KIF4A: variants seen among roughly 807,000 people sequenced by gnomAD.
KIF4A encodes the protein chromosome-associated kinesin KIF4A.
In KIF4A, 7 loss-of-function variants were observed where a neutral mutation model predicts 105.9. The observed-to-expected ratio is 0.07, with a 90% CI of 0.04 to 0.12. The LOEUF is 0.12. KIF4A is among the 10% of genes least tolerant of loss of function. The probability of loss-of-function intolerance (pLI) is 1.00; values close to 1 mark genes in which losing one functional copy is unlikely to be tolerated. For synonymous variants in KIF4A, 281 were observed against 331.3 expected (o/e 0.85, Z 1.65); for missense variants, 558 against 929.2 (o/e 0.60, Z 5.19).
chrX:70,362,845 T>C (rs1245570843), intron 15 of KIF4A, among the ~76,000 whole-genome samples: 1 of 112,508 alleles, frequency 8.9e-6, no homozygotes, highest in Non-Finnish European at 1.9e-5. Context: ...AATAAATTCT[T>C]AATATAATCA....
rs182033823 is a variant in KIF4A, at chrX:70,309,022, A to G, written c.778+6624A>G. Among the ~76,000 whole-genome samples the G allele has an allele frequency of 4.4e-5, 5 of 112,406 alleles. No homozygotes were observed. The East Asian group carries it at 1.4e-3, about 31-fold the overall frequency. On this transcript the variant is annotated intron_variant, in intron 7 of 30. Transcript: ENST00000374403. ...TTATTCCTATTTTGGTTGACATTTC[A>G]GTTTTCCAATTTCTGGCTATTGGAA...
chrX:70,373,750 G>GTA (rs200745417), intron 15 of KIF4A, among the ~76,000 whole-genome samples: 5 of 51,423 alleles, frequency 9.7e-5, no homozygotes, highest in African/African-American at 3.7e-4. Context: ...ATATATACGT[G>GTA]TATATATATA....
chrX:70,419,749 T>G lies in KIF4A; in HGVS notation c.3461T>G (p.Phe1154Cys), dbSNP rs2086358901. The change falls in exon 30 of 31, where the codon TTC (phenylalanine) becomes TGC (cysteine). Residue 1154 changes from phenylalanine to cysteine, a missense_variant. Around this residue, in one of 2 missense-constraint regions of KIF4A, gnomAD observed 469 missense variants for 680.4 expected, o/e 0.69. Coordinates refer to ENST00000374403, the MANE Select transcript of KIF4A (RefSeq NM_012310.5). ...DPTEVTPGLS[F>C]FNPVCATPNS... Reference sequence around the variant, plus strand: ...ACCGAGGTGACCCCAGGATTGAGCTTCTTTAATCCCGTCTGTGCCACCCCC... The same window carrying G: ...ACCGAGGTGACCCCAGGATTGAGCTGCTTTAATCCCGTCTGTGCCACCCCC... 1 of 1,211,098 alleles carries G rather than the reference T, an allele frequency of 8.3e-7. No individual in the cohort carries two copies. Among genetic ancestry groups the G allele is most frequent in the Non-Finnish European group, 1.1e-6 (1 of 895,348 alleles).
chrX:70,366,650 G>C (rs1468017894), intron 15 of KIF4A, among the ~76,000 whole-genome samples: 1 of 112,041 alleles, frequency 8.9e-6, no homozygotes, highest in Non-Finnish European at 1.9e-5. Flanking sequence ...TACATTTGCT[G>C]AGGAGTGCTT....
intron 7 of KIF4A, among the ~76,000 whole-genome samples, chrX:70,313,214 T>C (rs1485470371): frequency 8.9e-6 from 1 of 111,797 alleles, no homozygotes; most frequent in East Asian, 2.8e-4. Context: ...TAAAATGTCA[T>C]GACATACGTC....
chrX:70,352,709 A>G (rs1450911594), intron 14 of KIF4A, 53 bp downstream of exon 14: 2 of 818,983 alleles, frequency 2.4e-6, no homozygotes, highest in South Asian at 2.4e-5. Context: ...GCCGTTTCCT[A>G]TAATTTATCA....
chrX:70,368,475 C>T (rs1263938925), intron 15 of KIF4A, among the ~76,000 whole-genome samples: 2 of 112,270 alleles, frequency 1.8e-5, no homozygotes, highest in African/African-American at 6.5e-5. Context: ...ACAGTCAAGA[C>T]CCTTAGCTGC....
intron 15 of KIF4A, among the ~76,000 whole-genome samples, chrX:70,368,829 T>C (rs1354356886): frequency 8.9e-6 from 1 of 112,236 alleles, no homozygotes; most frequent in African/African-American, 3.2e-5. Context: ...TTTGTTTGGC[T>C]ATGCCCTGCC....
chrX:70,322,807 C>G (rs755746156), intron 7 of KIF4A, among the ~76,000 whole-genome samples: 2 of 107,533 alleles, frequency 1.9e-5, no homozygotes, highest in African/African-American at 6.8e-5. Flanking sequence ...TCTCTTTTCT[C>G]TAACCCTACT....
rs1322752443 is a variant in KIF4A, at chrX:70,359,455, CTT to C, written c.1674+5650_1674+5651del. Among the ~76,000 whole-genome samples, 20 of 106,677 alleles carry C rather than the reference CTT, an allele frequency of 1.9e-4. No individual in the cohort carries two copies. The South Asian group carries it at 6.3e-3, about 34-fold the overall frequency. The allele number at this position is 106,677 out of a possible 115,157, so 92.6% of individuals were successfully genotyped here. On this transcript the variant is annotated intron_variant, in intron 15 of 30. Coordinates refer to ENST00000374403, the MANE Select transcript of KIF4A (RefSeq NM_012310.5). ...TCTTTCTTTCTCTCTCTCTCTCTCT[CTT>C]TCTTTCTTTCTTTCTTTAACCGGAG...
chrX:70,398,280 G>T (rs186527937), intron 22 of KIF4A, among the ~76,000 whole-genome samples: 1 of 111,854 alleles, frequency 8.9e-6, no homozygotes, highest in Non-Finnish European at 1.9e-5. Context: ...TCAAGCGATC[G>T]GCCTGCCTTG....
At chrX:70,385,834 G>C (rs1257754499) in intron 18 of KIF4A, among the ~76,000 whole-genome samples, 2 of 111,940 alleles carry the variant, frequency 1.8e-5, no homozygotes, top group Non-Finnish European at 3.8e-5. Context: ...TTAATCTCTG[G>C]GAAGAAAGAG....
Position 70,395,666 on chromosome X carries a change from T to G in KIF4A, c.2233-5T>G, listed in dbSNP as rs767466188. 10 of 1,211,222 alleles carry G rather than the reference T, an allele frequency of 8.3e-6. No homozygotes were observed. The Admixed American group carries it at 2.2e-4, about 26-fold the overall frequency. On this transcript the variant is annotated splice_region_variant and splice_polypyrimidine_tract_variant and intron_variant, in intron 20 of 30. Transcript: ENST00000374403. The stretch of plus-strand genomic sequence containing the variant: ...TAACACAGACATCACTGATTTCTCT[T>G]CCAGAATTGGCTTGGAAACGAAATT...
intron 22 of KIF4A, 135 bp downstream of exon 22, chrX:70,396,184 A>G (rs757545103): frequency 6.7e-5 from 30 of 447,942 alleles, no homozygotes; most frequent in African/African-American, 6.1e-4. Flanking sequence ...TAAACCAGAC[A>G]CTGTACTAGG....
chrX:70,347,121 T>A (rs772957203), intron 13 of KIF4A, among the ~76,000 whole-genome samples: 24 of 112,033 alleles, frequency 2.1e-4, no homozygotes, highest in African/African-American at 7.8e-4. Context: ...CTTTTTTGTT[T>A]ATATCCCCTC....
chrX:70,385,724 T>TAATCC (rs1413833616), intron 18 of KIF4A, among the ~76,000 whole-genome samples: 2 of 112,216 alleles, frequency 1.8e-5, no homozygotes, highest in African/African-American at 6.5e-5. Context: ...CTTAATGGAT[T>TAATCC]ATTAGAAGAG....
rs1200810212 is a variant in KIF4A at position 70,420,108 on chromosome X, C to T, written c.3542C>T (p.Thr1181Ile). ...CDVEQVLSKK[T>I]PPAPSPFDLP... ...GTGGAGCAGGTGCTGTCAAAGAAGACTCCCCCAGCTCCCTCCCCTTTTGAC... is the reference window on the plus strand; with the variant it reads ...GTGGAGCAGGTGCTGTCAAAGAAGATTCCCCCAGCTCCCTCCCCTTTTGAC... Residue 1181 changes from threonine to isoleucine, a missense_variant, in exon 31 of 31, where the codon ACT becomes ATT. Thr to Ile is a moderately conservative substitution (Grantham distance 89). Coordinates refer to ENST00000374403, the MANE Select transcript of KIF4A (RefSeq NM_012310.5). 5 of 1,208,808 alleles carry T rather than the reference C, an allele frequency of 4.1e-6. No homozygotes were observed. In the African/African-American group the frequency reaches 5.3e-5, roughly 13 times the overall value.
At chrX:70,293,245 G>A (rs1390619155) in intron 3 of KIF4A, among the ~76,000 whole-genome samples, 2 of 112,201 alleles carry the variant, frequency 1.8e-5, no homozygotes, top group East Asian at 5.5e-4. Flanking sequence ...AAAGTTTAAA[G>A]GGTTTTTTCC....
intron 22 of KIF4A, 91 bp from the exon 23 acceptor site, chrX:70,402,475 A>G: frequency 9.7e-7 from 1 of 1,027,651 alleles, no homozygotes. Flanking sequence ...AGCTCCATCC[A>G]TAAAATTATT....
Sources: gnomAD v4.1 joint callset for allele counts (sites outside exome capture counted in the v4.1 genomes callset) on GRCh38, gnomAD v4.1.1 for gene constraint, gnomAD v4.1.1 regional missense constraint, MANE v1.5 for transcripts, NCBI Gene and HGNC (gene_info 2026-07-23, HGNC 2026-07-21) for gene names.